The following GLB1L2 variants were observed in gnomAD, a reference collection of about 807,000 sequenced individuals.
The protein encoded by GLB1L2 is galactosidase beta 1 like 2.
In GLB1L2, 68 loss-of-function variants were observed where a neutral mutation model predicts 84.1. That is an observed-to-expected ratio of 0.81 (90% CI 0.67 to 0.99). The LOEUF is 0.99. Ranked by LOEUF, GLB1L2 falls within the 50% of genes least tolerant of loss-of-function variation. The pLI is 0.00. For synonymous variants in GLB1L2, 290 were observed against 318.0 expected, an observed-to-expected ratio of 0.91 and a Z score of 0.94; for missense variants, 762 against 805.6, an observed-to-expected ratio of 0.95 and a Z score of 0.66.
At position 134,341,950 on chromosome 11, in the gene GLB1L2, ACTCAGCCACCCAGCACCG is replaced by A. The variant is rs1253597095; in HGVS notation, c.87-803_87-786del. ...CAGCCCACACCGGCTCCTGCCCCGG[ACTCAGCCACCCAGCACCG>A]GCTCCTGCCCCGGACTCAGCCACGC... On this transcript the variant is annotated intron_variant, in intron 1 of 18. Coordinates refer to ENST00000535456, the MANE Select transcript of GLB1L2 (RefSeq NM_001370461.1). Among the ~76,000 whole-genome samples the A allele has an allele frequency of 5.6e-5, 4 of 71,886 alleles. No individual in the cohort carries two copies. The East Asian group carries it at 1.5e-3, about 26-fold the overall frequency. The allele number at this position is 71,886 out of a possible 152,430, so 47.2% of individuals were successfully genotyped here.
intron 4 of GLB1L2, 71 bp from the exon 5 acceptor site, chr11:134,347,254 C>A (rs1943564579): frequency 9.0e-7 from 1 of 1,110,582 alleles, no homozygotes; most frequent in South Asian, 1.2e-5. Context: ...CCTTCTCACG[C>A]ATCAACAGCC....
chr11:134,374,620 G>A lies in GLB1L2; in HGVS notation c.1726G>A (p.Val576Ile), dbSNP rs1565444210. ...TTTCAAGGGCTGGGAGAAGGGGGTT[G>A]TATTCATCAATGGCCAGAACCTTGG... ...LKLEGWEKGV[V>I]FINGQNLGRY... The change falls in exon 18 of 19, where the codon GTA (valine) becomes ATA (isoleucine). Residue 576 changes from valine (V) to isoleucine (I), a missense_variant. Val to Ile is a conservative substitution (Grantham distance 29). This residue lies in a region of GLB1L2 where 603 missense variants were observed against 611.7 expected (regional missense o/e 0.99). Coordinates refer to ENST00000535456, the MANE Select transcript of GLB1L2 (RefSeq NM_001370461.1). 6.2e-7 allele frequency: 1 copy of A among 1,613,948 alleles called. No homozygotes were observed. Among genetic ancestry groups the A allele is most frequent in the Non-Finnish European group, 8.5e-7 (1 of 1,179,862 alleles).
intron 10 of GLB1L2, 84 bp from the exon 11 acceptor site, chr11:134,369,721 C>A: frequency 8.3e-7 from 1 of 1,201,966 alleles, no homozygotes; most frequent in Non-Finnish European, 1.2e-6. Context: ...GACCTGTGGC[C>A]CTTCCAAGCT....
At chr11:134,369,601 C>T (rs772881764) in intron 10 of GLB1L2, among the ~76,000 whole-genome samples, 28 of 152,126 alleles carry the variant, frequency 1.8e-4, no homozygotes, top group South Asian at 4.1e-4. Flanking sequence ...AGGTGTGAGC[C>T]GCTGCACCTG....
intron 2 of GLB1L2, 117 bp downstream of exon 2, chr11:134,343,068 G>C: frequency 9.6e-7 from 1 of 1,036,544 alleles, no homozygotes. Flanking sequence ...GAGAGAGCCA[G>C]GGTCTCCCTC....
chr11:134,359,349 T>C (rs1447726215), intron 7 of GLB1L2, among the ~76,000 whole-genome samples: 2 of 152,230 alleles, frequency 1.3e-5, no homozygotes, highest in Non-Finnish European at 2.9e-5. Context: ...GCTGGGTGGC[T>C]GTTCTCCTGC....
rs963753408 is a variant in GLB1L2, at chr11:134,370,522, G to T, written c.1215+123G>T. 1.2e-5 allele frequency: 9 copies of T among 729,330 alleles called. No homozygotes were observed. The highest frequency in any genetic ancestry group is 2.1e-5 in the Admixed American group (1 of 47,070). The allele number at this position is 729,330 out of a possible 1,614,324, so 45.2% of individuals were successfully genotyped here. A position where few individuals can be genotyped will look rare whatever the true frequency, so the allele number is the denominator to read the frequency against. On this transcript the variant is annotated intron_variant, in intron 12 of 18. Coordinates refer to ENST00000535456, the MANE Select transcript of GLB1L2 (RefSeq NM_001370461.1). This position sits in a 1 kb window ranked among gnomAD's most constrained non-coding sequence, Gnocchi z 4.7. ...AGTCGTCGGGGCAGCAGGGCCTGGA[G>T]CCCCTCCAGACAGGGAGTGTGGGGG...
chr11:134,363,219 C>T (rs755777495), intron 7 of GLB1L2, among the ~76,000 whole-genome samples: 42 of 152,150 alleles, frequency 2.8e-4, no homozygotes, highest in South Asian at 1.4e-3. Flanking sequence ...GGTATGGTGT[C>T]AGGGAGACCC....
intron 7 of GLB1L2, among the ~76,000 whole-genome samples, chr11:134,362,429 C>A (rs1259398746): frequency 1.3e-5 from 2 of 152,216 alleles, no homozygotes; most frequent in Non-Finnish European, 2.9e-5. Flanking sequence ...CGCTACCCAG[C>A]AGCTTAGGAA....
intron 5 of GLB1L2, among the ~76,000 whole-genome samples, chr11:134,352,649 CTTT>C (rs543898112): frequency 1.5e-5 from 2 of 133,398 alleles, no homozygotes; most frequent in Admixed American, 7.3e-5. Context: ...AATATGTCTT[CTTT>C]TTTTTTTTTT....
intron 8 of GLB1L2, 23 bp from the exon 9 acceptor site, chr11:134,367,234 A>C: frequency 1.2e-6 from 2 of 1,605,192 alleles, no homozygotes; most frequent in Non-Finnish European, 1.7e-6. Flanking sequence ...CTGCTTGTCT[A>C]ACTCTCATTT....
intron 10 of GLB1L2, 41 bp downstream of exon 10, chr11:134,368,822 A>G (rs1354650224): frequency 1.2e-6 from 2 of 1,606,158 alleles, no homozygotes; most frequent in South Asian, 1.1e-5. Flanking sequence ...TCTGCCCTGC[A>G]TGGGCATGGC....
At chr11:134,343,518 G>A (rs943774189) in intron 2 of GLB1L2, among the ~76,000 whole-genome samples, 1 of 152,182 alleles carries the variant, frequency 6.6e-6, no homozygotes, top group South Asian at 2.1e-4. Context: ...GATACTTGAC[G>A]CTAAGTCTAT....
intron 5 of GLB1L2, among the ~76,000 whole-genome samples, chr11:134,352,939 C>T (rs879869716): frequency 3.0e-4 from 46 of 152,250 alleles, no homozygotes; most frequent in Non-Finnish European, 4.9e-4. Flanking sequence ...TGAGCCACTG[C>T]GCCTGGCCTC....
Position 134,334,894 on chromosome 11 carries a change from A to G in GLB1L2, c.86+2747A>G, listed in dbSNP as rs919764665. Among the ~76,000 whole-genome samples, 2 of 152,078 alleles carry G rather than the reference A, an allele frequency of 1.3e-5. No homozygotes were observed. Among genetic ancestry groups the G allele is most frequent in the African/African-American group, 4.8e-5 (2 of 41,398 alleles). Reference sequence around the variant, plus strand: ...CCTATTCGCACTCCATGAACACAAGAATGCCTGCTTGATATTATCTAAAGG... The same window carrying G: ...CCTATTCGCACTCCATGAACACAAGGATGCCTGCTTGATATTATCTAAAGG... On this transcript the variant is annotated intron_variant, in intron 1 of 18. Transcript: ENST00000535456. This position sits in a 1 kb window ranked among gnomAD's most constrained non-coding sequence, Gnocchi z 4.1.
chr11:134,336,508 T>C (rs1565432293), intron 1 of GLB1L2, among the ~76,000 whole-genome samples: 1 of 152,246 alleles, frequency 6.6e-6, no homozygotes, highest in Admixed American at 6.5e-5. Flanking sequence ...GTTTGCAATC[T>C]TTTAGCTACT....
intron 8 of GLB1L2, 93 bp downstream of exon 8, chr11:134,364,491 A>G: frequency 4.8e-6 from 5 of 1,031,474 alleles, no homozygotes; most frequent in South Asian, 1.4e-5. Context: ...TCCCCAGCGC[A>G]GGGAGCTGGA....
At chr11:134,363,960 T>C (rs1943832465) in intron 7 of GLB1L2, among the ~76,000 whole-genome samples, 2 of 152,150 alleles carry the variant, frequency 1.3e-5, no homozygotes, top group Non-Finnish European at 2.9e-5. Flanking sequence ...TCACTGCAAC[T>C]TCTGCCTCTT....
chr11:134,364,661 C>T (rs1451668991), intron 8 of GLB1L2: 2 of 418,246 alleles, frequency 4.8e-6, no homozygotes, highest in Non-Finnish European at 8.5e-6. Flanking sequence ...CTAGAGGACT[C>T]GACTTTTGTG....
Sources: gnomAD v4.1 joint callset for allele counts (sites outside exome capture counted in the v4.1 genomes callset) on GRCh38, gnomAD v4.1.1 for gene constraint, gnomAD v4.1.1 regional missense constraint, Gnocchi (gnomAD v3.1) non-coding constraint, MANE v1.5 for transcripts, NCBI Gene and HGNC (gene_info 2026-07-23, HGNC 2026-07-21) for gene names.